The following TYRP1 variants were observed in gnomAD, a reference collection of about 807,000 sequenced individuals.
TYRP1 encodes the protein 5,6-dihydroxyindole-2-carboxylic acid oxidase.
In TYRP1, 49 loss-of-function variants were observed where a neutral mutation model predicts 42.8. The ratio of observed to expected loss-of-function variants is 1.14; its 90% CI spans 0.91 to 1.45. The LOEUF (loss-of-function observed/expected upper bound fraction) is 1.45, where lower values mean the gene tolerates loss of function less well. Among genes scored for constraint, TYRP1 ranks in the 40% most tolerant of loss-of-function variants. The probability of loss-of-function intolerance (pLI) is 0.00; values close to 1 mark genes in which losing one functional copy is unlikely to be tolerated. For synonymous variants in TYRP1, 279 were observed against 235.4 expected (o/e 1.19, Z -1.69); for missense variants, 848 against 662.0 (o/e 1.28, Z -3.08).
intron 4 of TYRP1, chr9:12,700,496 A>AAAT (rs1818149482): frequency 6.6e-6 from 1 of 152,014 alleles, no homozygotes; most frequent in African/African-American, 2.4e-5. Context: ...AGTACTTCTC[A>AAAT]AATATATTTT....
chr9:12,708,324 C>CTGA (rs1488517807), intron 7 of TYRP1, among the ~76,000 whole-genome samples, 181 bp downstream of exon 7: 2 of 151,952 alleles, frequency 1.3e-5, no homozygotes, highest in African/African-American at 4.8e-5. Flanking sequence ...CCACACTAAG[C>CTGA]TGATATTGAT....
Position 12,698,475 on chromosome 9 carries a change from T to C in TYRP1, c.733T>C (p.Ser245Pro), listed in dbSNP as rs1818112324. The change falls in exon 4 of 8, where the codon TCC (serine) becomes CCC (proline). Residue 245 changes from serine (S) to proline (P), a missense_variant. Coordinates refer to ENST00000388918, the MANE Select transcript of TYRP1 (RefSeq NM_000550.3). ...MQEMLQEPSF[S>P]LPYWNFATGK... ...GGAAATGTTGCAAGAGCCTTCTTTCTCCCTTCCTTACTGGAATTTTGCAAC... is the reference window on the plus strand; with the variant it reads ...GGAAATGTTGCAAGAGCCTTCTTTCCCCCTTCCTTACTGGAATTTTGCAAC... The C allele has an allele frequency of 1.9e-6, 3 of 1,613,722 alleles. No individual in the cohort carries two copies. Among genetic ancestry groups the C allele is most frequent in the African/African-American group, 2.7e-5 (2 of 75,028 alleles).
chr9:12,705,517 T>G (rs1194719881), intron 6 of TYRP1, among the ~76,000 whole-genome samples: 2 of 152,046 alleles, frequency 1.3e-5, no homozygotes, highest in African/African-American at 4.8e-5. Flanking sequence ...ATTAGGACCA[T>G]TAATTGATGA....
At chr9:12,697,826 A>C (rs1818101557) in intron 3 of TYRP1, among the ~76,000 whole-genome samples, 1 of 152,188 alleles carries the variant, frequency 6.6e-6, no homozygotes, top group South Asian at 2.1e-4. Flanking sequence ...CATTTTTATC[A>C]GTATAAATTT....
chr9:12,705,489 G>A (rs1310186063), intron 6 of TYRP1, among the ~76,000 whole-genome samples: 3 of 151,976 alleles, frequency 2.0e-5, no homozygotes, highest in African/African-American at 2.4e-5. Context: ...GTGCAATAAC[G>A]TCCTCTAATC....
rs1208252003 is a variant in TYRP1, at chr9:12,709,129, T to A, written c.1561T>A (p.Cys521Ser). ...GCCTCTCCTCACTGATCAGTATCAA[T>A]GCTATGCTGAAGAATATGAAAAACT... ...NQPLLTDQYQ[C>S]YAEEYEKLQN... is the part of the protein sequence containing the mutation. The change falls in exon 8 of 8, where the codon TGC becomes AGC. Residue 521 changes from cysteine to serine, a missense_variant. Coordinates refer to ENST00000388918, the MANE Select transcript of TYRP1 (RefSeq NM_000550.3). 1.2e-6 allele frequency: 2 copies of A among 1,612,698 alleles called. No homozygotes were observed. Among genetic ancestry groups the A allele is most frequent in the Middle Eastern group, 1.7e-4 (1 of 6,052 alleles).
In TYRP1 at chr9:12,702,532, T is replaced by A. The variant is rs41305296; in HGVS notation, c.1081+94T>A. 8.1e-6 allele frequency: 10 copies of A among 1,239,878 alleles called. No individual in the cohort carries two copies. In the South Asian group the frequency reaches 1.2e-4, roughly 14 times the overall value. 76.8% of individuals were successfully genotyped at this position (1,239,878 alleles called of 1,614,324 possible). A position where few individuals can be genotyped will look rare whatever the true frequency, so the allele number is the denominator to read the frequency against. On this transcript the variant is annotated intron_variant, in intron 5 of 7. Transcript: ENST00000388918. ...GTTTCTTTGAGAAGGCTTTGAATAG[T>A]ATATTAATCCTGTGTGTTTATGTGA...
chr9:12,707,070 A>G (rs1357216151), intron 6 of TYRP1, among the ~76,000 whole-genome samples: 1 of 151,950 alleles, frequency 6.6e-6, no homozygotes, highest in Non-Finnish European at 1.5e-5. Context: ...GTTAATTTCT[A>G]TTTACTAACA....
intron 5 of TYRP1, 38 bp from the exon 6 acceptor site, chr9:12,704,488 C>A: frequency 6.3e-7 from 1 of 1,588,694 alleles, no homozygotes; most frequent in Non-Finnish European, 8.6e-7. Flanking sequence ...GAAATATTTG[C>A]AATAGTTTTA....
rs1357822284 is a variant in TYRP1 at position 12,702,321 on chromosome 9, C to T, written c.964C>T (p.Pro322Ser). 1.2e-6 allele frequency: 2 copies of T among 1,613,124 alleles called. No homozygotes were observed. The highest frequency in any genetic ancestry group is 1.7e-5 in the Admixed American group (1 of 59,824). Residue 322 changes from proline (P) to serine (S), a missense_variant, in exon 5 of 8, where the codon CCA (proline) becomes TCA (serine). Coordinates refer to ENST00000388918, the MANE Select transcript of TYRP1 (RefSeq NM_000550.3). ...RRNPAGNVAR[P>S]MVQRLPEPQD... is the part of the protein sequence containing the mutation. Reference sequence around the variant, plus strand: ...AAATCCAGCTGGAAATGTGGCCAGACCAATGGTGCAACGTCTTCCTGAACC... The same window carrying T: ...AAATCCAGCTGGAAATGTGGCCAGATCAATGGTGCAACGTCTTCCTGAACC...
In TYRP1 at chr9:12,702,301, C is replaced by T. The variant is rs1413338583; in HGVS notation, c.944C>T (p.Pro315Leu). 2.5e-6 allele frequency: 4 copies of T among 1,612,970 alleles called. No homozygotes were observed. In the African/African-American group the frequency reaches 5.3e-5, roughly 22 times the overall value. ...STEDGPIRRNPAGNVARPMVQ... is the reference protein window; with the variant it reads ...STEDGPIRRNLAGNVARPMVQ... ...GAGGATGGGCCAATTAGGAGAAATC[C>T]AGCTGGAAATGTGGCCAGACCAATG... Residue 315 changes from proline to leucine, a missense_variant, in exon 5 of 8, where the codon CCA becomes CTA. Pro to Leu is a moderately conservative substitution (Grantham distance 98). Coordinates refer to ENST00000388918, the MANE Select transcript of TYRP1 (RefSeq NM_000550.3).
At chr9:12,699,597 T>C (rs1166650374) in intron 4 of TYRP1, among the ~76,000 whole-genome samples, 1 of 152,096 alleles carries the variant, frequency 6.6e-6, no homozygotes, top group Non-Finnish European at 1.5e-5. Context: ...GATACATATT[T>C]TCACCATTAG....
intron 5 of TYRP1, 108 bp downstream of exon 5, chr9:12,702,546 G>A: frequency 8.8e-7 from 1 of 1,136,076 alleles, no homozygotes; most frequent in East Asian, 2.6e-5. Context: ...TTAATCCTGT[G>A]TGTTTATGTG....
At position 12,707,930 on chromosome 9, in the gene TYRP1, A is replaced by AACTC. The variant is rs1192877960; in HGVS notation, c.1262-65_1262-62dup. 2.0e-6 allele frequency: 3 copies of AACTC among 1,480,612 alleles called. No homozygotes were observed. In the African/African-American group the frequency reaches 4.2e-5, roughly 21 times the overall value. The allele number at this position is 1,480,612 out of a possible 1,614,324, so 91.7% of individuals were successfully genotyped here. ...CTCCTTGAATATTGGATGCCTTTAG[A>AACTC]ACTCAATAATGATAGGAATATTAAT... On this transcript the variant is annotated intron_variant, in intron 6 of 7. Coordinates refer to ENST00000388918, the MANE Select transcript of TYRP1 (RefSeq NM_000550.3).
intron 5 of TYRP1, among the ~76,000 whole-genome samples, chr9:12,704,124 C>T (rs776209198): frequency 2.4e-4 from 37 of 151,980 alleles, no homozygotes; most frequent in Non-Finnish European, 3.8e-4. Context: ...TAACATCTGG[C>T]AACTTAAGTT....
chr9:12,700,951 T>C (rs913067129), intron 4 of TYRP1, among the ~76,000 whole-genome samples: 2 of 152,176 alleles, frequency 1.3e-5, no homozygotes, highest in East Asian at 3.9e-4. Flanking sequence ...GTTCTGATTA[T>C]TACGTTAATT....
At chr9:12,696,056 A>G (rs1343718629) in intron 3 of TYRP1, among the ~76,000 whole-genome samples, 1 of 152,226 alleles carries the variant, frequency 6.6e-6, no homozygotes, top group Non-Finnish European at 1.5e-5. Context: ...ATCAATAATG[A>G]GCAAAATGAG....
At chr9:12,697,561 A>C (rs1409609753) in intron 3 of TYRP1, among the ~76,000 whole-genome samples, 1 of 152,164 alleles carries the variant, frequency 6.6e-6, no homozygotes, top group Non-Finnish European at 1.5e-5. Flanking sequence ...GAAAAAGTAG[A>C]AATATACTGA....
intron 3 of TYRP1, among the ~76,000 whole-genome samples, chr9:12,697,112 G>T (rs1818090918): frequency 6.6e-6 from 1 of 152,248 alleles, no homozygotes; most frequent in Non-Finnish European, 1.5e-5. Flanking sequence ...ACATTTAGTA[G>T]ATTATAGATA....
Sources: gnomAD v4.1 joint callset for allele counts (sites outside exome capture counted in the v4.1 genomes callset) on GRCh38, gnomAD v4.1.1 for gene constraint, MANE v1.5 for transcripts, NCBI Gene and HGNC (gene_info 2026-07-23, HGNC 2026-07-21) for gene names.